The following CDC27 variants were observed in gnomAD, a reference collection of about 807,000 sequenced individuals.
CDC27 encodes cell division cycle protein 27 homolog.
Under a neutral mutation model 109.7 loss-of-function variants are expected in CDC27, and 27 were observed. The observed-to-expected ratio is 0.25, with a 90% confidence interval of 0.18 to 0.34. The LOEUF (loss-of-function observed/expected upper bound fraction) is 0.34. CDC27 is among the 10% of genes least tolerant of loss of function. The pLI is 1.00. For missense variants in CDC27, 579 were observed against 960.2 expected (o/e 0.60, Z 5.25); for synonymous variants, 266 against 333.9 (o/e 0.80, Z 2.22).
At chr17:47,174,794 A>G (rs1388455748) in intron 2 of CDC27, among the ~76,000 whole-genome samples, 1 of 152,136 alleles carries the variant, frequency 6.6e-6, no homozygotes, top group East Asian at 1.9e-4. Context: ...CATCTCTACT[A>G]AAAATACAAA....
chr17:47,153,858 G>C (rs1270061992), intron 8 of CDC27, among the ~76,000 whole-genome samples: 1 of 152,086 alleles, frequency 6.6e-6, no homozygotes, highest in Non-Finnish European at 1.5e-5. Context: ...CAAGGCAGGA[G>C]GATTGCTTGA....
At chr17:47,150,513 G>A (rs1598479335) in intron 9 of CDC27, among the ~76,000 whole-genome samples, 2 of 152,314 alleles carry the variant, frequency 1.3e-5, no homozygotes, top group East Asian at 3.9e-4. Flanking sequence ...GGGGTTATCA[G>A]AAGCTGGAGG....
At chr17:47,161,250 CT>C (rs2063489584) in intron 4 of CDC27, 1 of 151,514 alleles carries the variant, frequency 6.6e-6, no homozygotes, top group African/African-American at 2.4e-5. Context: ...GGTCTCAAAC[CT>C]GGGATTACAG....
intron 14 of CDC27, 145 bp from the exon 15 acceptor site, chr17:47,132,519 C>A: frequency 2.5e-6 from 1 of 396,708 alleles, no homozygotes; most frequent in African/African-American, 2.1e-5. Flanking sequence ...GCAAAAAATA[C>A]CAGTTATGAT....
At chr17:47,147,272 G>A (rs1194902194) in intron 9 of CDC27, among the ~76,000 whole-genome samples, 2 of 151,596 alleles carry the variant, frequency 1.3e-5, no homozygotes, top group African/African-American at 2.4e-5. Context: ...GGTGGCGCGC[G>A]CCTGTAGTCC....
intron 17 of CDC27, 150 bp from the exon 18 acceptor site, chr17:47,122,750 T>C (rs111732517): frequency 2.3e-6 from 1 of 434,288 alleles, no homozygotes; most frequent in Non-Finnish European, 3.7e-6. Flanking sequence ...CTTGGCTCAC[T>C]GCAACCTCCA....
chr17:47,173,944 A>G (rs1190510650), intron 2 of CDC27, among the ~76,000 whole-genome samples: 1 of 152,224 alleles, frequency 6.6e-6, no homozygotes, highest in Non-Finnish European at 1.5e-5. Context: ...AAATACAAAA[A>G]TTAGCCAGGC....
chr17:47,129,535 A>G lies in CDC27; in HGVS notation c.2032-14T>C, dbSNP rs769332991. ...TGCATGTTGAACCTGTAAGAAATAA[A>G]GATCATGTTAATACTCCCTCTTGAT... is the stretch of plus-strand genomic sequence containing the variant. On this transcript the variant is annotated splice_polypyrimidine_tract_variant and intron_variant, in intron 15 of 18. Coordinates refer to ENST00000066544, the MANE Select transcript of CDC27 (RefSeq NM_001256.6). The G allele has an allele frequency of 1.5e-5, 24 of 1,576,940 alleles. No individual in the cohort carries two copies. Among genetic ancestry groups the G allele is most frequent in the Non-Finnish European group, 2.1e-5 (24 of 1,158,048 alleles).
At chr17:47,188,463 C>A (rs958254820) in intron 1 of CDC27, among the ~76,000 whole-genome samples, 2 of 152,014 alleles carry the variant, frequency 1.3e-5, no homozygotes, top group African/African-American at 4.8e-5. Flanking sequence ...GCCTTATAAA[C>A]ATGCACAACA....
chr17:47,169,063 C>T lies in CDC27; in HGVS notation c.377+854G>A, dbSNP rs1031282299. Among the ~76,000 whole-genome samples the T allele has an allele frequency of 2.0e-5, 3 of 150,772 alleles. No individual in the cohort carries two copies. In the South Asian group the frequency reaches 6.3e-4, roughly 32 times the overall value. Reference sequence around the variant, plus strand: ...CTGGAGTGCAGTGGCACAATCACAGCTCACAGCAGCTCCAACCTCCTGGGC... The same window carrying T: ...CTGGAGTGCAGTGGCACAATCACAGTTCACAGCAGCTCCAACCTCCTGGGC... On this transcript the variant is annotated intron_variant, in intron 4 of 18. Coordinates refer to ENST00000066544, the MANE Select transcript of CDC27 (RefSeq NM_001256.6).
chr17:47,181,452 G>GA (rs1300278209), intron 2 of CDC27, 110 bp downstream of exon 2: 3 of 587,540 alleles, frequency 5.1e-6, no homozygotes, highest in Non-Finnish European at 6.1e-6. Flanking sequence ...GTGTCAATCA[G>GA]AAAAACAACA....
At chr17:47,145,456 TCC>T in intron 9 of CDC27, among the ~76,000 whole-genome samples, 2 of 152,252 alleles carry the variant, frequency 1.3e-5, no homozygotes, top group Admixed American at 1.3e-4. Flanking sequence ...CTGGTCCACG[TCC>T]CAGGCTCCTG....
intron 7 of CDC27, among the ~76,000 whole-genome samples, chr17:47,156,020 G>A (rs1363440967): frequency 2.0e-5 from 3 of 152,104 alleles, no homozygotes; most frequent in African/African-American, 7.2e-5. Context: ...AGTAACCAGT[G>A]GTGCCCTGAT....
At position 47,128,636 on chromosome 17, in the gene CDC27, G is replaced by T. The variant is rs567734625; in HGVS notation, c.2160+757C>A. 5.3e-5 allele frequency among the ~76,000 whole-genome samples: 8 copies of T among 152,132 alleles called. No homozygotes were observed. The South Asian group carries it at 1.7e-3, about 32-fold the overall frequency. ...CTGTTTTCCTAGAGAGTACTAGATA[G>T]TAGGCCCCTCAAAAGCAGGAAAGAT... On this transcript the variant is annotated intron_variant, in intron 16 of 18. Coordinates refer to ENST00000066544, the MANE Select transcript of CDC27 (RefSeq NM_001256.6).
chr17:47,189,059 G>C lies in CDC27; in HGVS notation c.27+87C>G, dbSNP rs2064569493. 5.2e-6 allele frequency: 8 copies of C among 1,529,256 alleles called. No homozygotes were observed. In the South Asian group the frequency reaches 9.0e-5, roughly 17 times the overall value. 94.7% of individuals were successfully genotyped at this position (1,529,256 alleles called of 1,614,324 possible). A position where few individuals can be genotyped will look rare whatever the true frequency, so the allele number is the denominator to read the frequency against. ...GAGGCGGGAGAAGCAGCCGGGCCTA[G>C]GCCGCACCAGGCCGCGGAGTGGCCC... On this transcript the variant is annotated intron_variant, in intron 1 of 18. Coordinates refer to ENST00000066544, the MANE Select transcript of CDC27 (RefSeq NM_001256.6).
chr17:47,136,894 T>C (rs200456245), intron 14 of CDC27, among the ~76,000 whole-genome samples: 12 of 152,228 alleles, frequency 7.9e-5, no homozygotes, highest in East Asian at 7.7e-4. Context: ...ACAACTACAG[T>C]ATCTGCAAAA....
chr17:47,156,359 C>T (rs1319667120), intron 7 of CDC27, among the ~76,000 whole-genome samples: 11 of 151,612 alleles, frequency 7.3e-5, no homozygotes, highest in Non-Finnish European at 1.5e-5. Flanking sequence ...AGGATGGTCT[C>T]GATCTCCTGA....
chr17:47,184,128 G>C lies in CDC27; in HGVS notation c.28-2491C>G, dbSNP rs372204129. Among the ~76,000 whole-genome samples the C allele has an allele frequency of 2.1e-3, 314 of 152,296 alleles. 2 individuals are homozygous for C. The highest frequency in any genetic ancestry group is 6.9e-3 in the African/African-American group (287 of 41,566). Reference sequence around the variant, plus strand: ...TTTGGAGACGTGCTCAAATTTGTGTGCCAGCACTTCCAGTAGTGGGACTTT... The same window carrying C: ...TTTGGAGACGTGCTCAAATTTGTGTCCCAGCACTTCCAGTAGTGGGACTTT... On this transcript the variant is annotated intron_variant, in intron 1 of 18. Transcript: ENST00000066544.
intron 12 of CDC27, among the ~76,000 whole-genome samples, chr17:47,140,143 G>A (rs1333026796): frequency 6.6e-6 from 1 of 152,150 alleles, no homozygotes; most frequent in Non-Finnish European, 1.5e-5. Flanking sequence ...ATAGCTTAAC[G>A]ATTTGTAACT....
Sources: allele counts gnomAD v4.1 joint callset (sites outside exome capture counted in the v4.1 genomes callset), GRCh38; gene constraint gnomAD v4.1.1; transcripts MANE v1.5; gene names NCBI Gene and HGNC (gene_info 2026-07-23, HGNC 2026-07-21).